The following PTPRN2 variants were observed in gnomAD, a reference collection of about 807,000 sequenced individuals.
PTPRN2 encodes receptor-type tyrosine-protein phosphatase N2.
A neutral mutation model predicts 118.8 loss-of-function variants in PTPRN2; 74 were observed. The ratio of observed to expected loss-of-function variants is 0.62; its 90% CI spans 0.52 to 0.76. The LOEUF is 0.76. Ranked by LOEUF, PTPRN2 falls within the 30% of genes least tolerant of loss-of-function variation. The pLI, the probability that PTPRN2 is intolerant of heterozygous loss-of-function variation, is 0.00. For missense variants in PTPRN2, 1,481 were observed against 1,394.4 expected (o/e 1.06, Z -0.99); for synonymous variants, 641 against 608.0 (o/e 1.05, Z -0.80).
intron 2 of PTPRN2, among the ~76,000 whole-genome samples, chr7:158,352,070 C>CCCTCCTGACCGCTCG (rs1808012255): frequency 1.0e-5 from 1 of 96,302 alleles, no homozygotes. Context: ...CTGTCCGCTC[C>CCCTCCTGACCGCTCG]CCTCCTGTCC....
chr7:158,412,378 C>T (rs562652716), intron 2 of PTPRN2, among the ~76,000 whole-genome samples: 1 of 111,018 alleles, frequency 9.0e-6, no homozygotes, highest in African/African-American at 3.9e-5. Flanking sequence ...TCAGCACCCT[C>T]CTCAACACCA....
At chr7:157,621,628 AGCCTGG>A (rs1203167460) in intron 14 of PTPRN2, 119 bp from the exon 15 acceptor site, 1 of 1,309,914 alleles carries the variant, frequency 7.6e-7, no homozygotes, top group Admixed American at 1.9e-5. Context: ...CTTGCTCACG[AGCCTGG>A]GCCATGGTGC....
chr7:157,812,407 G>GAGGGAGGAGT lies in PTPRN2; in HGVS notation c.1788+86265_1788+86266insACTCCTCCCT, dbSNP rs376880153. Among the ~76,000 whole-genome samples the GAGGGAGGAGT allele has an allele frequency of 5.9e-3, 896 of 152,116 alleles. 8 individuals carry two copies. The highest frequency in any genetic ancestry group is 0.019 in the African/African-American group (797 of 41,472). ...GGGCATGAGGGAGGTGAGGGAGGAGGGTGGGAAGAACAAAGGAGAGAATTC... is the reference window on the plus strand; with the variant it reads ...GGGCATGAGGGAGGTGAGGGAGGAGGAGGGAGGAGTGTGGGAAGAACAAAGGAGAGAATTC... On this transcript the variant is annotated intron_variant, in intron 12 of 22. Coordinates refer to ENST00000389418, the MANE Select transcript of PTPRN2 (RefSeq NM_002847.5).
At chr7:157,800,677 G>T (rs1464731448) in intron 12 of PTPRN2, among the ~76,000 whole-genome samples, 1 of 152,140 alleles carries the variant, frequency 6.6e-6, no homozygotes, top group Admixed American at 6.5e-5. Flanking sequence ...TACCTGCCGG[G>T]TGCGGTGGCT....
intron 11 of PTPRN2, among the ~76,000 whole-genome samples, chr7:158,035,766 A>G (rs1484149967): frequency 6.6e-6 from 1 of 152,238 alleles, no homozygotes; most frequent in East Asian, 1.9e-4. Context: ...ATTGATTTGA[A>G]TTGCTAATTA....
chr7:158,441,428 T>C (rs1001829381), intron 2 of PTPRN2, among the ~76,000 whole-genome samples: 17 of 148,080 alleles, frequency 1.1e-4, no homozygotes, highest in Non-Finnish European at 1.8e-4. Flanking sequence ...ATGGTGATAG[T>C]GATGGTGATG....
intron 6 of PTPRN2, among the ~76,000 whole-genome samples, chr7:158,138,769 G>A (rs111411055): frequency 2.0e-3 from 298 of 152,304 alleles, no homozygotes; most frequent in African/African-American, 6.2e-3. Flanking sequence ...ACTCATCCAC[G>A]CGCTCAGGAG....
At chr7:158,098,997 C>T (rs1357109561) in intron 10 of PTPRN2, among the ~76,000 whole-genome samples, 2 of 27,976 alleles carry the variant, frequency 7.1e-5, no homozygotes, top group South Asian at 1.7e-3. Flanking sequence ...GCTGCCTCCC[C>T]TTCCTCCCCC....
At chr7:157,771,187 C>T (rs1324360143) in intron 12 of PTPRN2, among the ~76,000 whole-genome samples, 1 of 152,242 alleles carries the variant, frequency 6.6e-6, no homozygotes, top group Non-Finnish European at 1.5e-5. Flanking sequence ...CACAATGTGC[C>T]AGCTATGTAG....
intron 1 of PTPRN2, among the ~76,000 whole-genome samples, chr7:158,547,974 G>A (rs929603388): frequency 6.6e-6 from 1 of 152,188 alleles, no homozygotes; most frequent in Non-Finnish European, 1.5e-5. Context: ...CACCCACTCC[G>A]ACCCACAGGG....
rs1050832212 is a variant in PTPRN2 at position 157,813,668 on chromosome 7, A to C, written c.1788+85005T>G. On this transcript the variant is annotated intron_variant, in intron 12 of 22. Coordinates refer to ENST00000389418, the MANE Select transcript of PTPRN2 (RefSeq NM_002847.5). This position sits in a 1 kb window ranked among gnomAD's most constrained non-coding sequence, Gnocchi z 4.7. The stretch of plus-strand genomic sequence containing the variant: ...CATTTCTTCCTCACTGCATCGCTGT[A>C]TTTTCCAGATGTCCACTGAGGAATG... Among the ~76,000 whole-genome samples the C allele has an allele frequency of 4.6e-5, 7 of 151,874 alleles. No individual in the cohort carries two copies. The highest frequency in any genetic ancestry group is 3.9e-4 in the East Asian group (2 of 5,186).
chr7:157,656,198 T>C (rs1229456524), intron 14 of PTPRN2, among the ~76,000 whole-genome samples, 159 bp downstream of exon 14: 1 of 151,686 alleles, frequency 6.6e-6, no homozygotes, highest in African/African-American at 2.4e-5. Context: ...GAAGACTCCC[T>C]GCAGAAAGAG....
intron 11 of PTPRN2, among the ~76,000 whole-genome samples, chr7:158,077,733 G>A (rs1812488630): frequency 6.6e-6 from 1 of 152,182 alleles, no homozygotes; most frequent in East Asian, 1.9e-4. Flanking sequence ...CCGGGTGAGG[G>A]TCTCTGCAGA....
chr7:158,244,961 A>G (rs1421394256), intron 3 of PTPRN2, among the ~76,000 whole-genome samples: 1 of 152,166 alleles, frequency 6.6e-6, no homozygotes, highest in East Asian at 1.9e-4. Flanking sequence ...GACAGGCCTG[A>G]GCGAGGCCAG....
intron 12 of PTPRN2, among the ~76,000 whole-genome samples, chr7:157,837,630 G>A (rs1310940933): frequency 6.6e-6 from 1 of 152,034 alleles, no homozygotes; most frequent in Non-Finnish European, 1.5e-5. Flanking sequence ...TGAGTCCTTC[G>A]CACTCCTGCC....
At chr7:158,560,439 TGGG>T (rs1563435175) in intron 1 of PTPRN2, among the ~76,000 whole-genome samples, 1 of 152,218 alleles carries the variant, frequency 6.6e-6, no homozygotes, top group Non-Finnish European at 1.5e-5. Context: ...AGGGGACAAA[TGGG>T]GGGTTTGCTT....
Position 158,438,165 on chromosome 7 carries a change from G to A in PTPRN2, c.163+51570C>T, listed in dbSNP as rs181098771. On this transcript the variant is annotated intron_variant, in intron 2 of 22. Coordinates refer to ENST00000389418, the MANE Select transcript of PTPRN2 (RefSeq NM_002847.5). This position sits in a 1 kb window ranked among gnomAD's most constrained non-coding sequence, Gnocchi z 4.7. ...GGCTGAGGTGGGCGGATCACCTGAG[G>A]TCAGGAATTTGAGACCAGCCTGGCC... 2.2e-3 allele frequency among the ~76,000 whole-genome samples: 333 copies of A among 152,242 alleles called. 2 individuals are homozygous for A. The highest frequency in any genetic ancestry group is 7.5e-3 in the African/African-American group (311 of 41,556).
intron 10 of PTPRN2, among the ~76,000 whole-genome samples, chr7:158,087,822 A>G (rs370938780): frequency 1.7e-4 from 14 of 81,366 alleles, no homozygotes; most frequent in Middle Eastern, 0.011. Context: ...CCCTGATGAA[A>G]GAGGGAGTCT....
At chr7:158,330,796 C>T (rs1804216910) in intron 2 of PTPRN2, among the ~76,000 whole-genome samples, 2 of 114,768 alleles carry the variant, frequency 1.7e-5, no homozygotes, top group African/African-American at 5.7e-5. Flanking sequence ...CACACCCACA[C>T]TCTCACCATA....
Sources: gnomAD v4.1 joint callset for allele counts (sites outside exome capture counted in the v4.1 genomes callset) on GRCh38, gnomAD v4.1.1 for gene constraint, Gnocchi (gnomAD v3.1) non-coding constraint, MANE v1.5 for transcripts, NCBI Gene and HGNC (gene_info 2026-07-23, HGNC 2026-07-21) for gene names.